Variants in MMAA observed in about 807,000 individuals in gnomAD.
MMAA encodes methylmalonic aciduria type A protein, mitochondrial.
Under a neutral mutation model 45.0 loss-of-function variants are expected in MMAA, and 41 were observed. The observed-to-expected ratio is 0.91, with a 90% CI of 0.71 to 1.18. The LOEUF (loss-of-function observed/expected upper bound fraction) is 1.18. Ranked by LOEUF, MMAA falls within the 50% of genes most tolerant of loss-of-function variation. The pLI, the probability that MMAA is intolerant of heterozygous loss-of-function variation, is 0.00. For synonymous variants in MMAA, 154 were observed against 178.2 expected (o/e 0.86, Z 1.08); for missense variants, 460 against 495.7 (o/e 0.93, Z 0.68).
Position 145,639,447 on chromosome 4 carries a change from A to G in MMAA, c.308A>G (p.Glu103Gly). Reference sequence around the variant, plus strand: ...CAAGGGCAAAGGGCCTGTTTAGCAGAGGCCATAACTCTTGTAGAATCAACT... The same window carrying G: ...CAAGGGCAAAGGGCCTGTTTAGCAGGGGCCATAACTCTTGTAGAATCAACT... The part of the protein sequence containing the change: ...LIQGQRACLA[E>G]AITLVESTHS... Residue 103 changes from glutamate (E) to glycine (G), a missense_variant, in exon 2 of 7, where the codon GAG becomes GGG. Transcript: ENST00000649156. 1 of 1,614,236 alleles carries G rather than the reference A, an allele frequency of 6.2e-7. No homozygotes were observed. Among genetic ancestry groups the G allele is most frequent in the Non-Finnish European group, 8.5e-7 (1 of 1,180,044 alleles).
chr4:145,632,740 C>A (rs1248070410), intron 1 of MMAA, among the ~76,000 whole-genome samples: 1 of 150,896 alleles, frequency 6.6e-6, no homozygotes, highest in South Asian at 2.1e-4. Flanking sequence ...TTTCAAATAG[C>A]CTGTCTTCAG....
chr4:145,655,051 G>A (rs1249547688), intron 6 of MMAA, 96 bp from the exon 7 acceptor site: 1 of 1,342,168 alleles, frequency 7.5e-7, no homozygotes, highest in Non-Finnish European at 1.0e-6. Context: ...GCCTATTTTT[G>A]TAGACCGTAA....
chr4:145,649,486 T>A lies in MMAA; in HGVS notation c.734-1576T>A, dbSNP rs1728030949. On this transcript the variant is annotated intron_variant, in intron 4 of 6. Transcript: ENST00000649156. ...CTGACTGACACTTCCATGTTCCACA[T>A]AGATGGAAGAAGGAAAGGGAAATAA... Among the ~76,000 whole-genome samples, 3 of 152,050 alleles carry A rather than the reference T, an allele frequency of 2.0e-5. No individual in the cohort carries two copies. In the South Asian group the frequency reaches 6.2e-4, roughly 32 times the overall value.
At chr4:145,619,789 A>G (rs1473478603) in intron 1 of MMAA, among the ~76,000 whole-genome samples, 1 of 152,196 alleles carries the variant, frequency 6.6e-6, no homozygotes, top group Non-Finnish European at 1.5e-5. Context: ...AGGCCGCGTC[A>G]GAGAAAGCCA....
chr4:145,634,437 C>T (rs1727550549), intron 1 of MMAA, among the ~76,000 whole-genome samples: 1 of 152,004 alleles, frequency 6.6e-6, no homozygotes, highest in Non-Finnish European at 1.5e-5. Context: ...GCTGGCTGAT[C>T]AGGGACTTAC....
Position 145,659,369 on chromosome 4 carries a change from T to A in MMAA, c.*3935T>A, listed in dbSNP as rs1728326118. On this transcript the variant is annotated 3_prime_UTR_variant, in exon 7 of 7. Transcript: ENST00000649156. The stretch of plus-strand genomic sequence containing the variant: ...TTTTAGAGAAAATTTCACTCTGTAC[T>A]AGAAAATGTAGATGATGTGAGTCAA... 6.6e-6 allele frequency: 1 copy of A among 152,184 alleles called. No homozygotes were observed. Among genetic ancestry groups the A allele is most frequent in the Admixed American group, 6.5e-5 (1 of 15,268 alleles). The allele number at this position is 152,184 out of a possible 1,614,324, so 9.4% of individuals were successfully genotyped here. A position where few individuals can be genotyped will look rare whatever the true frequency, so the allele number is the denominator to read the frequency against.
intron 1 of MMAA, among the ~76,000 whole-genome samples, chr4:145,626,505 C>T (rs1044504118): frequency 6.6e-6 from 1 of 152,094 alleles, no homozygotes; most frequent in South Asian, 2.1e-4. Context: ...AAACTTAGCA[C>T]TCGAAATAGA....
chr4:145,627,474 A>T (rs1734228073), intron 1 of MMAA, among the ~76,000 whole-genome samples: 1 of 152,182 alleles, frequency 6.6e-6, no homozygotes, highest in South Asian at 2.1e-4. Flanking sequence ...TAAAAAAAAA[A>T]TTGGAAGGTT....
chr4:145,627,311 A>G (rs1375673090), intron 1 of MMAA, among the ~76,000 whole-genome samples: 2 of 152,204 alleles, frequency 1.3e-5, no homozygotes, highest in Non-Finnish European at 2.9e-5. Flanking sequence ...GGTTGGTTGC[A>G]TGTCAAAGGT....
intron 6 of MMAA, 63 bp from the exon 7 acceptor site, chr4:145,655,084 G>A (rs557574980): frequency 5.2e-5 from 82 of 1,577,812 alleles, no homozygotes; most frequent in East Asian, 2.7e-4. Flanking sequence ...AGGTATCAGC[G>A]TCCCTGTAAA....
chr4:145,641,577 C>T (rs948142022), intron 2 of MMAA, among the ~76,000 whole-genome samples: 1 of 152,194 alleles, frequency 6.6e-6, no homozygotes, highest in Non-Finnish European at 1.5e-5. Context: ...TTATGCCATG[C>T]ACTGTTCTAA....
chr4:145,645,374 G>A (rs1036511388), intron 3 of MMAA, among the ~76,000 whole-genome samples: 1 of 152,176 alleles, frequency 6.6e-6, no homozygotes, highest in East Asian at 1.9e-4. Flanking sequence ...TCTTTATAAG[G>A]TGGATAAGTT....
intron 1 of MMAA, among the ~76,000 whole-genome samples, chr4:145,623,809 A>G (rs1466382210): frequency 6.6e-6 from 1 of 152,220 alleles, no homozygotes; most frequent in Non-Finnish European, 1.5e-5. Context: ...TTTCATTTTT[A>G]AAACTTGAGT....
rs544223307 is a variant in MMAA, at chr4:145,659,147, T to A, written c.*3713T>A. ...AAACTCTTTAACAAATGTTTTTCTT[T>A]CCGTAGTATTTTAATTAAAATTTTT... On this transcript the variant is annotated 3_prime_UTR_variant, in exon 7 of 7. Transcript: ENST00000649156. 9.2e-5 allele frequency: 14 copies of A among 152,224 alleles called. No individual in the cohort carries two copies. Among genetic ancestry groups the A allele is most frequent in the Non-Finnish European group, 1.9e-4 (13 of 68,028 alleles). 9.4% of individuals were successfully genotyped at this position (152,224 alleles called of 1,614,324 possible). A position where few individuals can be genotyped will look rare whatever the true frequency, so the allele number is the denominator to read the frequency against.
At chr4:145,655,096 A>T in intron 6 of MMAA, 51 bp from the exon 7 acceptor site, 1 of 1,608,910 alleles carries the variant, frequency 6.2e-7, no homozygotes, top group Non-Finnish European at 8.5e-7. Flanking sequence ...CCCTGTAAAA[A>T]TTTTTTCTAT....
chr4:145,654,521 A>G (rs1326286693), intron 6 of MMAA, among the ~76,000 whole-genome samples: 1 of 152,212 alleles, frequency 6.6e-6, no homozygotes, highest in Non-Finnish European at 1.5e-5. Flanking sequence ...AAAAAATTTT[A>G]ATCCTGTAAT....
intron 1 of MMAA, chr4:145,625,885 G>C: frequency 6.7e-7 from 1 of 1,502,682 alleles, no homozygotes; most frequent in Non-Finnish European, 9.2e-7. Context: ...CTGTGAATCT[G>C]AGCTTTGACC....
intron 1 of MMAA, among the ~76,000 whole-genome samples, chr4:145,621,809 A>G (rs1734095413): frequency 6.6e-6 from 1 of 152,200 alleles, no homozygotes; most frequent in African/African-American, 2.4e-5. Flanking sequence ...TATTCATTGG[A>G]TCAATTTCAA....
chr4:145,623,948 G>A (rs2126606599), intron 1 of MMAA, among the ~76,000 whole-genome samples: 1 of 152,306 alleles, frequency 6.6e-6, no homozygotes, highest in South Asian at 2.1e-4. Flanking sequence ...GGAAGGAACT[G>A]AATCAGCTCA....
Sources: gnomAD v4.1 joint callset for allele counts (sites outside exome capture counted in the v4.1 genomes callset) on GRCh38, gnomAD v4.1.1 for gene constraint, MANE v1.5 for transcripts, NCBI Gene and HGNC (gene_info 2026-07-23, HGNC 2026-07-21) for gene names.